NFIB: variants seen among roughly 807,000 people sequenced by gnomAD.
The protein encoded by NFIB is nuclear factor 1 B-type.
A neutral mutation model predicts 61.5 loss-of-function variants in NFIB; 11 were observed. The ratio of observed to expected loss-of-function variants is 0.18; its 90% CI spans 0.11 to 0.30. The LOEUF (loss-of-function observed/expected upper bound fraction) is 0.30. NFIB is among the 10% of genes least tolerant of loss of function. The pLI, the probability that NFIB is intolerant of heterozygous loss-of-function variation, is 1.00. For missense variants in NFIB, 471 were observed against 608.9 expected (o/e 0.77, Z 2.38); for synonymous variants, 260 against 216.5 (o/e 1.20, Z -1.76).
At chr9:14,103,013 AAGGTCTTC>A (rs1470108021) in intron 10 of NFIB, among the ~76,000 whole-genome samples, 8 of 152,342 alleles carry the variant, frequency 5.3e-5, no homozygotes, top group African/African-American at 1.7e-4. Flanking sequence ...TAGAAGCATC[AAGGTCTTC>A]AGTTTTAACC....
chr9:14,144,439 G>C (rs1416776149), intron 6 of NFIB, among the ~76,000 whole-genome samples: 2 of 152,106 alleles, frequency 1.3e-5, no homozygotes, highest in African/African-American at 4.8e-5. Context: ...AAAATATAAA[G>C]GGTTGAGGGT....
At chr9:14,108,857 GGTTAATAT>G (rs1292324423) in intron 10 of NFIB, among the ~76,000 whole-genome samples, 4 of 152,160 alleles carry the variant, frequency 2.6e-5, no homozygotes, top group Admixed American at 2.6e-4. Context: ...ATACATCAAA[GGTTAATAT>G]GTACTTCAAT....
intron 2 of NFIB, among the ~76,000 whole-genome samples, chr9:14,245,962 G>C (rs1453035084): frequency 6.6e-6 from 1 of 151,980 alleles, no homozygotes; most frequent in Non-Finnish European, 1.5e-5. Flanking sequence ...TCAGAAATGA[G>C]TTTACTGTAA....
chr9:14,322,997 A>G (rs570306347), intron 1 of NFIB, among the ~76,000 whole-genome samples: 4 of 152,328 alleles, frequency 2.6e-5, no homozygotes, highest in African/African-American at 7.2e-5. Context: ...GAAAGACTCT[A>G]AAACAACAAT....
At position 14,170,646 on chromosome 9, in the gene NFIB, G is replaced by T. The variant is rs1174120202; in HGVS notation, c.616+9081C>A. ...ACAAGGCAAGACCCCATCTCGGGGAGAGGGGGAGTTACATGAGATACTTGG... is the reference window on the plus strand; with the variant it reads ...ACAAGGCAAGACCCCATCTCGGGGATAGGGGGAGTTACATGAGATACTTGG... On this transcript the variant is annotated intron_variant, in intron 3 of 10. Coordinates refer to ENST00000380953, the MANE Select transcript of NFIB (RefSeq NM_001190737.2). 5.9e-5 allele frequency among the ~76,000 whole-genome samples: 9 copies of T among 152,104 alleles called. No homozygotes were observed. In the East Asian group the frequency reaches 1.7e-3, roughly 29 times the overall value.
intron 1 of NFIB, among the ~76,000 whole-genome samples, chr9:14,363,389 CT>C (rs2061262736): frequency 6.6e-6 from 1 of 152,080 alleles, no homozygotes; most frequent in South Asian, 2.1e-4. Flanking sequence ...CTTATAGAAT[CT>C]AGAGACCAGA....
chr9:14,148,337 C>A (rs1200341169), intron 5 of NFIB, among the ~76,000 whole-genome samples: 1 of 151,874 alleles, frequency 6.6e-6, no homozygotes, highest in African/African-American at 2.4e-5. Flanking sequence ...TGGTCTTGAA[C>A]TCCTAGGTTC....
chr9:14,412,394 A>G, the NFIB span, among the ~76,000 whole-genome samples: 1 of 152,262 alleles, frequency 6.6e-6, no homozygotes, highest in African/African-American at 2.4e-5. Flanking sequence ...ACAAATGAGT[A>G]AAGCAAAATG....
In NFIB at chr9:14,087,964, G is replaced by A. The variant is rs768117841; in HGVS notation, c.*345C>T. On this transcript the variant is annotated 3_prime_UTR_variant, in exon 11 of 11. Coordinates refer to ENST00000380953, the MANE Select transcript of NFIB (RefSeq NM_001190737.2). The stretch of plus-strand genomic sequence containing the variant: ...GCGGACTTCATGTAACAAAGGCTAC[G>A]TTGCAGGGGCTGCGATCTACCATCA... 3 of 273,490 alleles carry A rather than the reference G, an allele frequency of 1.1e-5. No individual in the cohort carries two copies. Among genetic ancestry groups the A allele is most frequent in the Admixed American group, 1.0e-4 (2 of 19,648 alleles). 16.9% of individuals were successfully genotyped at this position (273,490 alleles called of 1,614,324 possible).
chr9:14,285,556 T>A lies in NFIB; in HGVS notation c.562+21433A>T, dbSNP rs528479030. On this transcript the variant is annotated intron_variant, in intron 2 of 10. Coordinates refer to ENST00000380953, the MANE Select transcript of NFIB (RefSeq NM_001190737.2). Reference sequence around the variant, plus strand: ...GCCAGAGGAAGTTCATTATCTAGAATTACAGTTAAGAAAGAAGTCCAGCGA... The same window carrying A: ...GCCAGAGGAAGTTCATTATCTAGAAATACAGTTAAGAAAGAAGTCCAGCGA... Among the ~76,000 whole-genome samples the A allele has an allele frequency of 2.0e-5, 3 of 152,316 alleles. No homozygotes were observed. In the East Asian group the frequency reaches 5.8e-4, roughly 29 times the overall value.
chr9:14,108,771 G>C (rs539768375), intron 10 of NFIB, among the ~76,000 whole-genome samples: 1 of 151,820 alleles, frequency 6.6e-6, no homozygotes, highest in African/African-American at 2.4e-5. Flanking sequence ...TTATAAACTA[G>C]ACTTTACTTG....
chr9:14,290,048 G>A (rs1287225298), intron 2 of NFIB, among the ~76,000 whole-genome samples: 1 of 151,982 alleles, frequency 6.6e-6, no homozygotes, highest in Non-Finnish European at 1.5e-5. Context: ...ATACCCAAAT[G>A]AAAGACCTCA....
Position 14,307,803 on chromosome 9 carries a change from G to T in NFIB, c.31-283C>A. On this transcript the variant is annotated intron_variant, in intron 1 of 10. Transcript: ENST00000380953. This position sits in a 1 kb window ranked among gnomAD's most constrained non-coding sequence, Gnocchi z 5.3. The stretch of plus-strand genomic sequence containing the variant: ...ATTACACTCTGGCCCCATCCCCCTT[G>T]TTTCCACCCCAATGCCATGCATTCT... 3.6e-6 allele frequency: 1 copy of T among 279,674 alleles called. No homozygotes were observed. Among genetic ancestry groups the T allele is most frequent in the South Asian group, 8.3e-5 (1 of 11,986 alleles). The allele number at this position is 279,674 out of a possible 1,614,324, so 17.3% of individuals were successfully genotyped here. A position where few individuals can be genotyped will look rare whatever the true frequency, so the allele number is the denominator to read the frequency against.
intron 2 of NFIB, among the ~76,000 whole-genome samples, chr9:14,226,476 C>T (rs568513722): frequency 6.0e-5 from 9 of 149,978 alleles, no homozygotes; most frequent in East Asian, 2.0e-4. Flanking sequence ...TGAACGCATG[C>T]GGTGGTGCCT....
intron 1 of NFIB, among the ~76,000 whole-genome samples, chr9:14,308,781 T>C (rs1305403634): frequency 6.6e-6 from 1 of 152,236 alleles, no homozygotes; most frequent in Non-Finnish European, 1.5e-5. Context: ...CTCCTGCATT[T>C]TTCCTGCCTG....
intron 2 of NFIB, among the ~76,000 whole-genome samples, chr9:14,295,929 T>C: frequency 6.6e-6 from 1 of 152,226 alleles, no homozygotes; most frequent in East Asian, 1.9e-4. Flanking sequence ...TAGTCTCTGG[T>C]AAATCTGAGA....
chr9:14,475,512 C>T, the NFIB span, among the ~76,000 whole-genome samples: 2 of 152,174 alleles, frequency 1.3e-5, no homozygotes, highest in Admixed American at 6.5e-5. Context: ...AAAAGGCCAG[C>T]GAGTCTTGAA....
chr9:14,139,161 T>C (rs2041411760), intron 6 of NFIB, among the ~76,000 whole-genome samples: 1 of 152,094 alleles, frequency 6.6e-6, no homozygotes, highest in Non-Finnish European at 1.5e-5. Context: ...ATGAAAAAAA[T>C]CCCTTGAACA....
In NFIB at chr9:14,231,120, G is replaced by GAAA. The variant is rs1188458970; in HGVS notation, c.563-51343_563-51341dup. On this transcript the variant is annotated intron_variant, in intron 2 of 10. Transcript: ENST00000380953. ...CCTTGGCCTACAGTTTTTCCATGGG[G>GAAA]AAAAAAAAAAAAAAAATATATATAT... is the stretch of plus-strand genomic sequence containing the variant. Among the ~76,000 whole-genome samples, 360 of 65,704 alleles carry GAAA rather than the reference G, an allele frequency of 5.5e-3. 7 individuals are homozygous for GAAA. The highest frequency in any genetic ancestry group is 0.013 in the East Asian group (41 of 3,150). The allele number at this position is 65,704 out of a possible 152,430, so 43.1% of individuals were successfully genotyped here.
Sources: allele counts gnomAD v4.1 joint callset (sites outside exome capture counted in the v4.1 genomes callset), GRCh38; gene constraint gnomAD v4.1.1; non-coding constraint Gnocchi (gnomAD v3.1); transcripts MANE v1.5; gene names NCBI Gene and HGNC (gene_info 2026-07-23, HGNC 2026-07-21).